Variants in HERC2 observed in about 807,000 individuals in gnomAD.
HERC2 encodes E3 ubiquitin-protein ligase HERC2.
A neutral mutation model predicts 537.7 loss-of-function variants in HERC2; 102 were observed. The ratio of observed to expected loss-of-function variants is 0.19; its 90% confidence interval spans 0.16 to 0.22. The LOEUF is 0.22. Ranked by LOEUF, HERC2 falls within the 10% of genes least tolerant of loss-of-function variation. HERC2 has a pLI of 1.00. For synonymous variants in HERC2, 2,224 were observed against 2,466.2 expected (o/e 0.90, Z 2.91); for missense variants, 4,236 against 6,198.2 (o/e 0.68, Z 10.63).
rs759330534 is a variant in HERC2 at position 28,179,017 on chromosome 15, C to T, written c.9033G>A (p.Gly3011=). 12 of 1,613,770 alleles carry T rather than the reference C, an allele frequency of 7.4e-6. No individual in the cohort carries two copies. The Admixed American group carries it at 2.0e-4, about 27-fold the overall frequency. ...SKSLFAVTVE[G]KVYACGEATN... ...TGGCTTCTCCACAGGCATACACCTT[C>T]CCTTCCACAGTCACTGCAAGGAACG... Residue 3011 remains glycine, a synonymous_variant, in exon 59 of 93, where the codon GGG becomes GGA. Transcript: ENST00000261609.
intron 40 of HERC2, 150 bp from the exon 41 acceptor site, chr15:28,214,422 C>A: frequency 1.1e-6 from 1 of 931,292 alleles, no homozygotes. Context: ...TGAGTGACGG[C>A]ACTGCGCCGC....
In HERC2 at chr15:28,254,720, A is replaced by T. The variant is rs566220096; in HGVS notation, c.2872-202T>A. ...TCAAACAGTGTCTTCTTTTTACAGA[A>T]TCAAGGTCCAGGCTGCCTCTGCTGA... is the stretch of plus-strand genomic sequence containing the variant. On this transcript the variant is annotated intron_variant, in intron 19 of 92. Transcript: ENST00000261609. Among the ~76,000 whole-genome samples the T allele has an allele frequency of 5.3e-5, 8 of 152,286 alleles. No homozygotes were observed. The South Asian group carries it at 1.0e-3, about 20-fold the overall frequency.
chr15:28,293,158 T>A (rs1446117744), intron 3 of HERC2, 136 bp from the exon 4 acceptor site: 1 of 736,632 alleles, frequency 1.4e-6, no homozygotes, highest in South Asian at 1.9e-5. Flanking sequence ...ATAAAATACA[T>A]CAATCATACC....
chr15:28,133,018 C>A (rs1027842353), intron 79 of HERC2, among the ~76,000 whole-genome samples, 188 bp from the exon 80 acceptor site: 1 of 152,096 alleles, frequency 6.6e-6, no homozygotes, highest in Non-Finnish European at 1.5e-5. Context: ...CCAGAGGACA[C>A]GGCTTCCCCA....
rs1483451560 is a variant in HERC2 at position 28,245,583 on chromosome 15, AC to A, written c.3577+297del. ...AAAATATATACACACACACACACAC[AC>A]ACACACACACACACACACACAGATA... On this transcript the variant is annotated intron_variant, in intron 23 of 92. Coordinates refer to ENST00000261609, the MANE Select transcript of HERC2 (RefSeq NM_004667.6). Among the ~76,000 whole-genome samples, 4 of 149,744 alleles carry A rather than the reference AC, an allele frequency of 2.7e-5. No individual in the cohort carries two copies. The Admixed American group carries it at 2.7e-4, about 10-fold the overall frequency.
intron 2 of HERC2, among the ~76,000 whole-genome samples, chr15:28,313,345 T>C (rs1596467437): frequency 6.6e-6 from 1 of 152,336 alleles, no homozygotes; most frequent in East Asian, 1.9e-4. Context: ...GCCCGGCTAA[T>C]TTTTTGTGTA....
intron 4 of HERC2, among the ~76,000 whole-genome samples, chr15:28,284,234 A>G (rs149788129): frequency 1.8e-3 from 268 of 152,322 alleles, no homozygotes; most frequent in Middle Eastern, 3.4e-3. Context: ...AAGCCACTAA[A>G]GAAGCTATAC....
chr15:28,314,211 T>G (rs1456299776), intron 2 of HERC2, among the ~76,000 whole-genome samples: 1 of 151,474 alleles, frequency 6.6e-6, no homozygotes, highest in African/African-American at 2.4e-5. Flanking sequence ...ACCACATCAT[T>G]GAAAAATGAA....
intron 56 of HERC2, among the ~76,000 whole-genome samples, chr15:28,185,204 C>T (rs550631340): frequency 0.076 from 11,612 of 151,792 alleles, 1,517 homozygotes; most frequent in African/African-American, 0.27. Flanking sequence ...TGATTTATTA[C>T]CAGAACTACT....
At chr15:28,243,780 G>A (rs1163265749) in intron 23 of HERC2, among the ~76,000 whole-genome samples, 1 of 152,224 alleles carries the variant, frequency 6.6e-6, no homozygotes, top group Non-Finnish European at 1.5e-5. Context: ...TTGCAGTGGA[G>A]ATGAGTAGCA....
At chr15:28,283,819 T>C (rs1189100731) in intron 4 of HERC2, among the ~76,000 whole-genome samples, 3 of 152,192 alleles carry the variant, frequency 2.0e-5, no homozygotes, top group African/African-American at 2.4e-5. Flanking sequence ...TCCCTGAAGC[T>C]GGTAAATGAC....
chr15:28,174,107 T>C (rs1351968869), intron 65 of HERC2, among the ~76,000 whole-genome samples: 1 of 152,144 alleles, frequency 6.6e-6, no homozygotes, highest in Non-Finnish European at 1.5e-5. Context: ...CCCAGTACAG[T>C]GCCTGTATCT....
rs773851727 is a variant in HERC2 at position 28,233,800 on chromosome 15, C to T, written c.4219-4G>A. 6.2e-7 allele frequency: 1 copy of T among 1,612,036 alleles called. No individual in the cohort carries two copies. Among genetic ancestry groups the T allele is most frequent in the South Asian group, 1.1e-5 (1 of 90,994 alleles). On this transcript the variant is annotated splice_polypyrimidine_tract_variant and splice_region_variant and intron_variant, in intron 27 of 92. Coordinates refer to ENST00000261609, the MANE Select transcript of HERC2 (RefSeq NM_004667.6). ...TTTCTATTTGACACAAAAAGTCCTG[C>T]AACAGAAACAGCTGGAAGTAACTTC...
chr15:28,231,588 GCA>G (rs1901856354), intron 30 of HERC2, among the ~76,000 whole-genome samples: 1 of 152,150 alleles, frequency 6.6e-6, no homozygotes, highest in African/African-American at 2.4e-5. Context: ...GGAGAGCTAA[GCA>G]CATCCACGTG....
Position 28,144,587 on chromosome 15 carries a change from C to G in HERC2, c.11140+86G>C, listed in dbSNP as rs940918530. 3.0e-5 allele frequency: 47 copies of G among 1,571,776 alleles called. No individual in the cohort carries two copies. The Middle Eastern group carries it at 5.2e-4, about 17-fold the overall frequency. ...GCAGAAGGCAGGCTGTCAGGCACTA[C>G]GTGGACATGTGCACGTGTCCCTGTT... On this transcript the variant is annotated intron_variant, in intron 72 of 92. Coordinates refer to ENST00000261609, the MANE Select transcript of HERC2 (RefSeq NM_004667.6).
intron 68 of HERC2, among the ~76,000 whole-genome samples, chr15:28,164,835 A>G (rs931647029): frequency 2.0e-5 from 3 of 152,222 alleles, no homozygotes; most frequent in Admixed American, 6.5e-5. Context: ...TAAGTTCTGC[A>G]TTAAACCCTC....
At chr15:28,320,574 C>T (rs1363034408) in intron 2 of HERC2, 1 of 151,976 alleles carries the variant, frequency 6.6e-6, no homozygotes, top group African/African-American at 2.4e-5. Flanking sequence ...ACAGTCAAGG[C>T]ACATTACTTA....
Position 28,122,955 on chromosome 15 carries a change from T to G in HERC2, c.13188+1082A>C, listed in dbSNP as rs1889091155. Among the ~76,000 whole-genome samples, 1 of 152,170 alleles carries G rather than the reference T, an allele frequency of 6.6e-6. No homozygotes were observed. Among genetic ancestry groups the G allele is most frequent in the Non-Finnish European group, 1.5e-5 (1 of 68,034 alleles). On this transcript the variant is annotated intron_variant, in intron 85 of 92. Coordinates refer to ENST00000261609, the MANE Select transcript of HERC2 (RefSeq NM_004667.6). The surrounding 1 kb of genome is among the most constrained non-coding windows in gnomAD (Gnocchi z 4.1). ...TACAAAGAAAGGTTTTTTTCCTCTG[T>G]GCTGCCTATTATCATCACCACTTTG... is the stretch of plus-strand genomic sequence containing the variant.
chr15:28,140,696 AT>A (rs1891131123), intron 78 of HERC2, among the ~76,000 whole-genome samples: 1 of 150,974 alleles, frequency 6.6e-6, no homozygotes, highest in African/African-American at 2.4e-5. Flanking sequence ...TTATTTTTGT[AT>A]TTTTCGTAGA....
Sources: gnomAD v4.1 joint callset for allele counts (sites outside exome capture counted in the v4.1 genomes callset) on GRCh38, gnomAD v4.1.1 for gene constraint, Gnocchi (gnomAD v3.1) non-coding constraint, MANE v1.5 for transcripts, NCBI Gene and HGNC (gene_info 2026-07-23, HGNC 2026-07-21) for gene names.